TFAP2D: variants seen among roughly 807,000 people sequenced by gnomAD.
TFAP2D encodes transcription factor AP-2 delta, also known as transcription factor AP-2-delta.
A neutral mutation model predicts 43.6 loss-of-function variants in TFAP2D; 9 were observed. The ratio of observed to expected loss-of-function variants is 0.21; its 90% CI spans 0.12 to 0.36. The LOEUF (loss-of-function observed/expected upper bound fraction) is 0.36, where lower values mean the gene tolerates loss of function less well. TFAP2D is among the 10% of genes least tolerant of loss of function. The pLI, the probability that TFAP2D is intolerant of heterozygous loss-of-function variation, is 1.00. For synonymous variants in TFAP2D, 256 were observed against 224.9 expected (o/e 1.14, Z -1.24); for missense variants, 513 against 561.4 (o/e 0.91, Z 0.87).
At chr6:50,750,308 A>C (rs779011286) in intron 6 of TFAP2D, among the ~76,000 whole-genome samples, 3 of 151,978 alleles carry the variant, frequency 2.0e-5, no homozygotes, top group African/African-American at 4.8e-5. Context: ...GTAAAAACAG[A>C]CAAAAAACCT....
At chr6:50,768,856 T>C (rs1248260071) in intron 7 of TFAP2D, among the ~76,000 whole-genome samples, 1 of 151,918 alleles carries the variant, frequency 6.6e-6, no homozygotes, top group Non-Finnish European at 1.5e-5. Context: ...TTTTTTTATA[T>C]TGAATATCCT....
intron 7 of TFAP2D, among the ~76,000 whole-genome samples, chr6:50,768,267 A>ATT (rs1769472308): frequency 8.7e-6 from 1 of 115,062 alleles, no homozygotes; most frequent in Non-Finnish European, 1.8e-5. Context: ...TTCTATTTCT[A>ATT]ATTTTCTTTT....
Position 50,729,302 on chromosome 6 carries a change from C to A in TFAP2D, c.873C>A (p.Ser291=). The change falls in exon 5 of 8, where the codon TCC becomes TCA. Residue 291 remains serine (S), a synonymous_variant. Transcript: ENST00000008391. The stretch of plus-strand genomic sequence containing the variant: ...CAGCTAATGTCACCCTCCTTACTTC[C>A]TTGGTTGAAGGTATGACTTTTCAGT... ...RKAANVTLLT[S]LVEGEALHLA... is the part of the protein sequence containing the mutation. The A allele has an allele frequency of 6.2e-7, 1 of 1,613,576 alleles. No homozygotes were observed. The highest frequency in any genetic ancestry group is 1.1e-5 in the South Asian group (1 of 91,052).
At chr6:50,730,494 T>C (rs916219078) in intron 5 of TFAP2D, among the ~76,000 whole-genome samples, 4 of 151,624 alleles carry the variant, frequency 2.6e-5, no homozygotes, top group African/African-American at 7.3e-5. Context: ...TACACCCACA[T>C]TGGGGAAGAG....
At chr6:50,767,061 C>T (rs1281200772) in intron 7 of TFAP2D, among the ~76,000 whole-genome samples, 1 of 152,174 alleles carries the variant, frequency 6.6e-6, no homozygotes, top group Non-Finnish European at 1.5e-5. Flanking sequence ...TTATTGAATT[C>T]ATTTATTATA....
chr6:50,719,482 AAAG>A lies in TFAP2D; in HGVS notation c.598+335_598+337del, dbSNP rs760243931. Among the ~76,000 whole-genome samples, 221 of 138,436 alleles carry A rather than the reference AAAG, an allele frequency of 1.6e-3. 1 individual carries two copies. Among genetic ancestry groups the A allele is most frequent in the Non-Finnish European group, 2.8e-3 (166 of 59,954 alleles). 90.8% of individuals were successfully genotyped at this position (138,436 alleles called of 152,430 possible). On this transcript the variant is annotated intron_variant, in intron 3 of 7. Coordinates refer to ENST00000008391, the MANE Select transcript of TFAP2D (RefSeq NM_172238.4). ...GAAAGAAAGAAAGAAAGAAAGAAAGAAAGAAAGAAAGAAAGAAAGAAGTTTCTC... is the reference window on the plus strand; with the variant it reads ...GAAAGAAAGAAAGAAAGAAAGAAAGAAAAGAAAGAAAGAAAGAAGTTTCTC...
intron 5 of TFAP2D, among the ~76,000 whole-genome samples, chr6:50,734,520 G>A (rs574464605): frequency 1.4e-4 from 21 of 152,100 alleles, no homozygotes; most frequent in African/African-American, 4.1e-4. Context: ...CTCATTCGCA[G>A]ACCCAGGGAC....
chr6:50,769,658 C>T (rs1412652713), intron 7 of TFAP2D, among the ~76,000 whole-genome samples: 1 of 152,166 alleles, frequency 6.6e-6, no homozygotes, highest in Non-Finnish European at 1.5e-5. Context: ...ATCAAGGCTG[C>T]CCAAGTACAA....
At chr6:50,756,874 G>C (rs923891936) in intron 7 of TFAP2D, among the ~76,000 whole-genome samples, 1 of 151,940 alleles carries the variant, frequency 6.6e-6, no homozygotes, top group Non-Finnish European at 1.5e-5. Flanking sequence ...AGCTCAGATG[G>C]AAACCCAGAG....
In TFAP2D at chr6:50,713,746, G is replaced by T; in HGVS notation, c.-310G>T. The T allele has an allele frequency of 2.2e-6, 1 of 461,360 alleles. No individual in the cohort carries two copies. Among genetic ancestry groups the T allele is most frequent in the Non-Finnish European group, 3.8e-6 (1 of 262,928 alleles). 28.6% of individuals were successfully genotyped at this position (461,360 alleles called of 1,614,324 possible). ...TGTCCTCCCAGTTCTCAGTGCTGAT[G>T]CTTAATTTTCAAAACTTCTATATTA... is the stretch of plus-strand genomic sequence containing the variant. On this transcript the variant is annotated 5_prime_UTR_variant, in exon 1 of 8. The change abolishes an upstream ATG in the 5' untranslated region. Transcript: ENST00000008391.
chr6:50,715,608 T>C lies in TFAP2D; in HGVS notation c.532T>C (p.Leu178=), dbSNP rs1384646319. ...GCTGGCCGCCGCGGGAGCAGACGAC[T>C]TGCAGGTAAATAAGCATGCAGCGAA... ...LGLAAAGADD[L]QGSVEAQCGL... Residue 178 remains leucine (L), a synonymous_variant, in exon 2 of 8, where the codon TTG becomes CTG. Coordinates refer to ENST00000008391, the MANE Select transcript of TFAP2D (RefSeq NM_172238.4). 1 of 1,592,476 alleles carries C rather than the reference T, an allele frequency of 6.3e-7. No individual in the cohort carries two copies. Among genetic ancestry groups the C allele is most frequent in the Non-Finnish European group, 8.6e-7 (1 of 1,168,524 alleles).
intron 5 of TFAP2D, among the ~76,000 whole-genome samples, chr6:50,732,127 C>T (rs901231364): frequency 3.9e-5 from 6 of 152,042 alleles, no homozygotes; most frequent in African/African-American, 1.4e-4. Context: ...ACTTTTTAGA[C>T]ATTTTTATTT....
At chr6:50,725,971 G>A (rs971970306) in intron 3 of TFAP2D, among the ~76,000 whole-genome samples, 2 of 152,202 alleles carry the variant, frequency 1.3e-5, no homozygotes, top group Admixed American at 1.3e-4. Context: ...AGACTCTAGA[G>A]TTGATGGCTA....
Position 50,715,277 on chromosome 6 carries a change from C to A in TFAP2D, c.201C>A (p.Thr67=), listed in dbSNP as rs1298419634. ...SPYFSTNHQY[T]PLHHQSFHYE... is the part of the protein sequence containing the mutation. ...ACTTCTCCACTAACCACCAGTACAC[C>A]CCGCTCCACCACCAGTCCTTCCATT... Residue 67 remains threonine, a synonymous_variant, in exon 2 of 8, where the codon ACC becomes ACA. Transcript: ENST00000008391. The A allele has an allele frequency of 6.2e-7, 1 of 1,613,860 alleles. No individual in the cohort carries two copies. The highest frequency in any genetic ancestry group is 8.5e-7 in the Non-Finnish European group (1 of 1,179,972).
At chr6:50,751,549 A>G (rs1769201083) in intron 7 of TFAP2D, among the ~76,000 whole-genome samples, 1 of 151,928 alleles carries the variant, frequency 6.6e-6, no homozygotes, top group Non-Finnish European at 1.5e-5. Context: ...GTGCCGGCAG[A>G]GTTAATTAGA....
At chr6:50,716,031 G>A (rs1237529973) in intron 2 of TFAP2D, among the ~76,000 whole-genome samples, 2 of 152,058 alleles carry the variant, frequency 1.3e-5, no homozygotes, top group African/African-American at 4.8e-5. Context: ...ATGACCAATC[G>A]TACCCTCAAT....
chr6:50,746,952 T>TGAGA (rs1769133270), intron 6 of TFAP2D, among the ~76,000 whole-genome samples: 1 of 151,822 alleles, frequency 6.6e-6, no homozygotes, highest in Non-Finnish European at 1.5e-5. Flanking sequence ...CAAAACAAGA[T>TGAGA]TAAGAGGAAG....
At chr6:50,718,133 C>T (rs182047133) in intron 2 of TFAP2D, 218 of 144,680 alleles carry the variant, frequency 1.5e-3, no homozygotes, top group African/African-American at 5.6e-3. Context: ...TTTTTTTTTT[C>T]ATATTGATTT....
intron 7 of TFAP2D, among the ~76,000 whole-genome samples, chr6:50,754,259 G>A (rs1769235725): frequency 6.6e-6 from 1 of 151,818 alleles, no homozygotes; most frequent in South Asian, 2.1e-4. Flanking sequence ...TTCACTTAGT[G>A]TAATGTCTTC....
Sources: allele counts gnomAD v4.1 joint callset (sites outside exome capture counted in the v4.1 genomes callset), GRCh38; gene constraint gnomAD v4.1.1; transcripts MANE v1.5; gene names NCBI Gene and HGNC (gene_info 2026-07-23, HGNC 2026-07-21).